Variants in ARHGAP39 observed in about 807,000 individuals in gnomAD.
The protein encoded by ARHGAP39 is rho GTPase-activating protein 39.
A neutral mutation model predicts 106.9 loss-of-function variants in ARHGAP39; 44 were observed. The observed-to-expected ratio is 0.41, with a 90% CI of 0.32 to 0.53. The LOEUF (loss-of-function observed/expected upper bound fraction) is 0.53, where lower values mean the gene tolerates loss of function less well. ARHGAP39 is among the 20% of genes least tolerant of loss of function. The pLI, the probability that ARHGAP39 is intolerant of heterozygous loss-of-function variation, is 0.21. For synonymous variants in ARHGAP39, 768 were observed against 693.2 expected, an observed-to-expected ratio of 1.11 and a Z score of -1.69; for missense variants, 1,496 against 1,577.3, an observed-to-expected ratio of 0.95 and a Z score of 0.87.
intron 2 of ARHGAP39, among the ~76,000 whole-genome samples, chr8:144,600,868 C>T (rs970510672): frequency 1.4e-5 from 2 of 145,908 alleles, no homozygotes; most frequent in Non-Finnish European, 3.0e-5. Context: ...TGCATGGAAG[C>T]GTGCGTGCGT....
intron 3 of ARHGAP39, among the ~76,000 whole-genome samples, chr8:144,560,178 A>G (rs571229495): frequency 6.6e-6 from 1 of 152,382 alleles, no homozygotes; most frequent in Non-Finnish European, 1.5e-5. Flanking sequence ...TCACGCCTGT[A>G]ATTCCAACAC....
chr8:144,676,340 A>G (rs1822237797), intron 1 of ARHGAP39, among the ~76,000 whole-genome samples: 1 of 152,164 alleles, frequency 6.6e-6, no homozygotes, highest in Non-Finnish European at 1.5e-5. Flanking sequence ...CTAGACACAA[A>G]AGTTCTCCAA....
chr8:144,543,601 T>C (rs1332754279), intron 6 of ARHGAP39, among the ~76,000 whole-genome samples: 2 of 152,184 alleles, frequency 1.3e-5, no homozygotes, highest in African/African-American at 2.4e-5. Context: ...TGGGCCTTCT[T>C]TGGCAGAGCT....
chr8:144,616,047 G>T (rs1820627545), intron 1 of ARHGAP39, among the ~76,000 whole-genome samples: 1 of 152,248 alleles, frequency 6.6e-6, no homozygotes, highest in Admixed American at 6.5e-5. Flanking sequence ...ACCCCACACG[G>T]AAAGGACGGT....
chr8:144,657,925 T>C (rs1821736284), intron 1 of ARHGAP39, among the ~76,000 whole-genome samples: 1 of 151,824 alleles, frequency 6.6e-6, no homozygotes, highest in Non-Finnish European at 1.5e-5. Context: ...GGATTGAAAA[T>C]ATTTTTAAAA....
chr8:144,588,906 G>A (rs1355169581), intron 2 of ARHGAP39, among the ~76,000 whole-genome samples: 2 of 152,266 alleles, frequency 1.3e-5, no homozygotes, highest in Non-Finnish European at 2.9e-5. Flanking sequence ...GTCACGCAAC[G>A]CCGGGCCCGC....
chr8:144,637,114 C>A (rs1253406949), intron 1 of ARHGAP39, among the ~76,000 whole-genome samples: 2 of 152,180 alleles, frequency 1.3e-5, no homozygotes, highest in Non-Finnish European at 2.9e-5. Flanking sequence ...ACATTTTGTT[C>A]AGTGACTTTC....
rs1218511478 is a variant in ARHGAP39 at position 144,585,953 on chromosome 8, CTT to C, written c.81-4678_81-4677del. On this transcript the variant is annotated intron_variant, in intron 2 of 11. Coordinates refer to ENST00000377307, the MANE Select transcript of ARHGAP39 (RefSeq NM_025251.3). The surrounding 1 kb of genome is among the most constrained non-coding windows in gnomAD (Gnocchi z 4.6). ...CCATGGCTCAGCCAGGCTCTCCACT[CTT>C]GTTACCTGACCCCCGTGACTCAGGG... is the stretch of plus-strand genomic sequence containing the variant. Among the ~76,000 whole-genome samples, 1 of 152,198 alleles carries C rather than the reference CTT, an allele frequency of 6.6e-6. No homozygotes were observed. The highest frequency in any genetic ancestry group is 1.5e-5 in the Non-Finnish European group (1 of 68,022).
intron 6 of ARHGAP39, among the ~76,000 whole-genome samples, chr8:144,540,453 C>A (rs1181766926): frequency 2.6e-5 from 4 of 152,148 alleles, no homozygotes; most frequent in African/African-American, 9.7e-5. Flanking sequence ...TAAATACATG[C>A]AACTGCAAAT....
At chr8:144,558,587 C>T (rs1456984189) in intron 3 of ARHGAP39, among the ~76,000 whole-genome samples, 2 of 54 alleles carry the variant, frequency 0.037, no homozygotes, top group Admixed American at 0.17. Context: ...GTCACCGCGC[C>T]TGGCCATAAA....
chr8:144,557,268 T>A (rs78696710), intron 3 of ARHGAP39, among the ~76,000 whole-genome samples: 24 of 30,970 alleles, frequency 7.7e-4, no homozygotes, highest in African/African-American at 4.1e-3. Flanking sequence ...TAGTATTCAG[T>A]GGCAAAGGCT....
At chr8:144,690,104 GTTAT>G (rs1221812511), upstream of ARHGAP39, among the ~76,000 whole-genome samples, 2 of 150,050 alleles carry the variant, frequency 1.3e-5, no homozygotes, top group African/African-American at 4.9e-5. Context: ...GTACCATTTT[GTTAT>G]TTATTTATTT....
chr8:144,600,293 C>A (rs190237502), intron 2 of ARHGAP39, among the ~76,000 whole-genome samples: 2 of 136,850 alleles, frequency 1.5e-5, no homozygotes, highest in Non-Finnish European at 3.1e-5. Context: ...TACCCACCTG[C>A]GTGTGCGTGT....
Position 144,545,366 on chromosome 8 carries a change from C to T in ARHGAP39, c.2404G>A (p.Ala802Thr). 6.2e-7 allele frequency: 1 copy of T among 1,600,136 alleles called. No homozygotes were observed. The highest frequency in any genetic ancestry group is 8.5e-7 in the Non-Finnish European group (1 of 1,171,426). The change falls in exon 6 of 12, where the codon GCC becomes ACC. Residue 802 changes from alanine to threonine, a missense_variant. Around this residue, in one of 4 missense-constraint regions of ARHGAP39, gnomAD observed 470 missense variants for 605.1 expected, o/e 0.78. Coordinates refer to ENST00000377307, the MANE Select transcript of ARHGAP39 (RefSeq NM_025251.3). Reference sequence around the variant, plus strand: ...ATGGCCATGAGCTCCCAGCCGCGGGCCAGGCTCTCCAGGCGGAAGTTCTCG... The same window carrying T: ...ATGGCCATGAGCTCCCAGCCGCGGGTCAGGCTCTCCAGGCGGAAGTTCTCG... ...TTENFRLESL[A>T]RGWELMAICL...
chr8:144,580,107 C>A (rs1050705955), intron 3 of ARHGAP39, among the ~76,000 whole-genome samples: 1 of 152,122 alleles, frequency 6.6e-6, no homozygotes, highest in Non-Finnish European at 1.5e-5. Flanking sequence ...GCACTCACCT[C>A]GAGGCCCTTG....
At chr8:144,656,528 C>G (rs183098238) in intron 1 of ARHGAP39, among the ~76,000 whole-genome samples, 210 of 152,160 alleles carry the variant, frequency 1.4e-3, no homozygotes, top group Non-Finnish European at 9.9e-4. Flanking sequence ...AGGGGCCAGG[C>G]ACGGTGATTC....
intron 2 of ARHGAP39, among the ~76,000 whole-genome samples, chr8:144,590,323 C>T (rs991457807): frequency 2.0e-5 from 3 of 152,228 alleles, no homozygotes; most frequent in South Asian, 2.1e-4. Context: ...CCAAACCTCA[C>T]GTTGAGATGT....
At chr8:144,579,931 T>A (rs1475962018) in intron 3 of ARHGAP39, among the ~76,000 whole-genome samples, 1 of 152,066 alleles carries the variant, frequency 6.6e-6, no homozygotes, top group Non-Finnish European at 1.5e-5. Context: ...CAGGCCTGTC[T>A]GCCCTGGGCC....
At chr8:144,658,481 G>A (rs1164609105) in intron 1 of ARHGAP39, among the ~76,000 whole-genome samples, 2 of 152,126 alleles carry the variant, frequency 1.3e-5, no homozygotes, top group Admixed American at 6.5e-5. Context: ...CTCCATGTTG[G>A]TCAGGCTGGT....
Sources: gnomAD v4.1 joint callset for allele counts (sites outside exome capture counted in the v4.1 genomes callset) on GRCh38, gnomAD v4.1.1 for gene constraint, gnomAD v4.1.1 regional missense constraint, Gnocchi (gnomAD v3.1) non-coding constraint, MANE v1.5 for transcripts, NCBI Gene and HGNC (gene_info 2026-07-23, HGNC 2026-07-21) for gene names.